TEDC2: variants seen among roughly 807,000 people sequenced by gnomAD.
The protein encoded by TEDC2 is tubulin epsilon and delta complex 2, also known as tubulin epsilon and delta complex protein 2.
A neutral mutation model predicts 48.1 loss-of-function variants in TEDC2; 49 were observed. The ratio of observed to expected loss-of-function variants is 1.02; its 90% CI spans 0.81 to 1.29. The LOEUF (loss-of-function observed/expected upper bound fraction) is 1.29, where lower values mean the gene tolerates loss of function less well. TEDC2 is among the 50% of genes most tolerant of loss of function. The pLI is 0.00. For synonymous variants in TEDC2, 299 were observed against 247.1 expected (o/e 1.21, Z -1.97); for missense variants, 631 against 571.4 (o/e 1.10, Z -1.06).
chr16:2,461,927 A>C, intron 5 of TEDC2, 127 bp downstream of exon 5: 1 of 1,300,880 alleles, frequency 7.7e-7, no homozygotes, highest in Non-Finnish European at 1.1e-6. Flanking sequence ...ATCACTGTCG[A>C]TGTTAAAAAT....
chr16:2,464,310 C>G, intron 9 of TEDC2, 81 bp downstream of exon 9: 1 of 1,501,844 alleles, frequency 6.7e-7, no homozygotes, highest in Non-Finnish European at 9.0e-7. Flanking sequence ...ACTGCTCCAC[C>G]CCCCAGGACC....
rs149318114 is a variant in TEDC2, at chr16:2,461,758, G to T, written c.617G>T (p.Arg206Leu). The T allele has an allele frequency of 3.1e-6, 5 of 1,613,182 alleles. No individual in the cohort carries two copies. In the African/African-American group the frequency reaches 4.0e-5, roughly 13 times the overall value. ...GGCTTCTCCGACAGGCACCTGCTGC[G>T]GCTGCCTGCGGCATTCAGGAAAGCA... is the stretch of plus-strand genomic sequence containing the variant. ...FTLKEKGHLL[R>L]LPAAFRKAAS... Residue 206 changes from arginine (R) to leucine (L), a missense_variant, in exon 5 of 10, where the codon CGG becomes CTG. By Grantham distance (102) the Arg-to-Leu change is moderately radical. Coordinates refer to ENST00000361837, the MANE Select transcript of TEDC2 (RefSeq NM_025108.3).
At chr16:2,460,583 C>T in intron 2 of TEDC2, 40 bp from the exon 3 acceptor site, 2 of 1,610,712 alleles carry the variant, frequency 1.2e-6, no homozygotes, top group Non-Finnish European at 1.7e-6. Flanking sequence ...GGGCTGGGCC[C>T]TGCCTCCTGG....
intron 5 of TEDC2, 39 bp from the exon 6 acceptor site, chr16:2,462,110 C>T (rs544826779): frequency 2.5e-6 from 4 of 1,595,786 alleles, no homozygotes; most frequent in South Asian, 1.1e-5. Flanking sequence ...AACCGTGTCC[C>T]TCTGTGGTTC....
intron 4 of TEDC2, chr16:2,461,543 C>T (rs2065466781): frequency 3.0e-6 from 2 of 660,930 alleles, no homozygotes; most frequent in Non-Finnish European, 5.1e-6. Context: ...CACAGGGCCC[C>T]CTCTTCTCTC....
Position 2,462,181 on chromosome 16 carries a change from G to T in TEDC2, c.692G>T (p.Ser231Ile), listed in dbSNP as rs1567395596. Residue 231 changes from serine to isoleucine, a missense_variant, in exon 6 of 10, where the codon AGT becomes ATT. By Grantham distance (142) the Ser-to-Ile change is moderately radical. Transcript: ENST00000361837. The stretch of plus-strand genomic sequence containing the variant: ...GCCCAGCTCAGTTCCACACAGACCA[G>T]TGATTCCACGGATGCCGCCGCTGCC... The part of the protein sequence containing the change: ...LWAQLSSTQT[S>I]DSTDAAAAKT... 2 of 1,613,360 alleles carry T rather than the reference G, an allele frequency of 1.2e-6. No homozygotes were observed.
rs1308743003 is a variant in TEDC2, at chr16:2,462,695, G to A, written c.927G>A (p.Val309=). Residue 309 remains valine, a synonymous_variant, in exon 8 of 10, where the codon GTG becomes GTA. Transcript: ENST00000361837. ...LLTLEGLQAM[V]GQCLHRLQEL... ...CGCTGGAGGGGCTGCAGGCCATGGTGGGCCAGTGTCTGCACAGGCTGCAGG... is the reference window on the plus strand; with the variant it reads ...CGCTGGAGGGGCTGCAGGCCATGGTAGGCCAGTGTCTGCACAGGCTGCAGG... 5.8e-6 allele frequency: 9 copies of A among 1,545,120 alleles called. No individual in the cohort carries two copies. Among genetic ancestry groups the A allele is most frequent in the Non-Finnish European group, 7.0e-6 (8 of 1,146,888 alleles).
Position 2,460,925 on chromosome 16 carries a change from G to A in TEDC2, c.306G>A (p.Lys102=), listed in dbSNP as rs1014392189. 1 of 1,613,560 alleles carries A rather than the reference G, an allele frequency of 6.2e-7. No individual in the cohort carries two copies. Among genetic ancestry groups the A allele is most frequent in the Non-Finnish European group, 8.5e-7 (1 of 1,180,014 alleles). Residue 102 remains lysine (K), a synonymous_variant, in exon 4 of 10, where the codon AAG becomes AAA. Coordinates refer to ENST00000361837, the MANE Select transcript of TEDC2 (RefSeq NM_025108.3). ...TCACTAAGGCCGGAGAGAGAGACAA[G>A]GCCCCCAGCCTGAAATCTAGGTCCA... The part of the protein sequence containing the change: ...RGITKAGERD[K]APSLKSRSIV...
In TEDC2 at chr16:2,460,283, G is replaced by A. The variant is rs1163183172; in HGVS notation, c.27G>A (p.Arg9=). The stretch of plus-strand genomic sequence containing the variant: ...GCTGAGCCGCCGGTGCGTCCCCCAG[G>A]CTGGTGGCCGAGCTGCAGGGCGCCC... MLPAGCSR[R]LVAELQGALD... The change falls in exon 2 of 10, where the codon CGG becomes CGA. Residue 9 remains arginine (R), a splice_region_variant and synonymous_variant. Transcript: ENST00000361837. 6.6e-7 allele frequency: 1 copy of A among 1,526,246 alleles called. No homozygotes were observed. The highest frequency in any genetic ancestry group is 2.0e-5 in the Admixed American group (1 of 49,856). The allele number at this position is 1,526,246 out of a possible 1,614,324, so 94.5% of individuals were successfully genotyped here. A position where few individuals can be genotyped will look rare whatever the true frequency, so the allele number is the denominator to read the frequency against.
In TEDC2 at chr16:2,460,988, G is replaced by A. The variant is rs1240438552; in HGVS notation, c.369G>A (p.Pro123=). ...TSSGTTASAP[P]HSPGQAGGHA... ...CTGGCACGACAGCCTCCGCCCCACC[G>A]CATTCCCCAGGCCAAGCTGGTGGCC... Residue 123 remains proline, a synonymous_variant, in exon 4 of 10, where the codon CCG becomes CCA. Coordinates refer to ENST00000361837, the MANE Select transcript of TEDC2 (RefSeq NM_025108.3). The A allele has an allele frequency of 1.9e-6, 3 of 1,613,070 alleles. No homozygotes were observed. The highest frequency in any genetic ancestry group is 2.5e-6 in the Non-Finnish European group (3 of 1,179,978).
At position 2,461,770 on chromosome 16, in the gene TEDC2, C is replaced by T; in HGVS notation, c.629C>T (p.Ala210Val). 2 of 1,613,324 alleles carry T rather than the reference C, an allele frequency of 1.2e-6. No individual in the cohort carries two copies. Among genetic ancestry groups the T allele is most frequent in the Non-Finnish European group, 1.7e-6 (2 of 1,179,956 alleles). Reference protein sequence around the residue: ...EKGHLLRLPAAFRKAASQNSS... With the variant: ...EKGHLLRLPAVFRKAASQNSS... ...AGGCACCTGCTGCGGCTGCCTGCGG[C>T]ATTCAGGAAAGCAGCTTCCCAGAAC... Residue 210 changes from alanine (A) to valine (V), a missense_variant, in exon 5 of 10, where the codon GCA (alanine) becomes GTA (valine). Physicochemically the swap from Ala to Val is moderately conservative, Grantham distance 64. Transcript: ENST00000361837.
rs368548407 is a variant in TEDC2, at chr16:2,460,980, G to C, written c.361G>C (p.Ala121Pro). The C allele has an allele frequency of 4.3e-6, 7 of 1,613,156 alleles. No individual in the cohort carries two copies. The African/African-American group carries it at 8.0e-5, about 18-fold the overall frequency. The change falls in exon 4 of 10, where the codon GCC becomes CCC. Residue 121 changes from alanine (A) to proline (P), a missense_variant. Transcript: ENST00000361837. Reference sequence around the variant, plus strand: ...CACCTCTTCTGGCACGACAGCCTCCGCCCCACCGCATTCCCCAGGCCAAGC... The same window carrying C: ...CACCTCTTCTGGCACGACAGCCTCCCCCCCACCGCATTCCCCAGGCCAAGC... The part of the protein sequence containing the change: ...IVTSSGTTAS[A>P]PPHSPGQAGG...
intron 1 of TEDC2, 30 bp from the exon 2 acceptor site, chr16:2,460,253 G>C: frequency 6.7e-7 from 1 of 1,503,578 alleles, no homozygotes; most frequent in South Asian, 1.2e-5. Context: ...GACGCTGGCC[G>C]AGGTGCTGAG....
chr16:2,464,439 C>T (rs982955797), intron 9 of TEDC2, 83 bp from the exon 10 acceptor site: 49 of 1,429,284 alleles, frequency 3.4e-5, no homozygotes, highest in Non-Finnish European at 4.3e-5. Flanking sequence ...AGGGCTGAAG[C>T]ATGGGGGCCT....
chr16:2,461,589 C>A, intron 4 of TEDC2, 158 bp from the exon 5 acceptor site: 2 of 833,828 alleles, frequency 2.4e-6, no homozygotes, highest in Non-Finnish European at 3.8e-6. Flanking sequence ...TCTCCTATGG[C>A]CACTCTGGAA....
chr16:2,461,150 G>A lies in TEDC2; in HGVS notation c.531G>A (p.Ala177=), dbSNP rs369185867. ...GMGARTPRPG[A]GLRDQQMAPS... ...GAGCCCGAACCCCCAGGCCTGGGGC[G>A]GGCCTCAGGGACCAGCAAATGGCCC... Residue 177 remains alanine (A), a synonymous_variant, in exon 4 of 10, where the codon GCG becomes GCA. Transcript: ENST00000361837. 3.6e-5 allele frequency: 56 copies of A among 1,534,384 alleles called. No homozygotes were observed. Among genetic ancestry groups the A allele is most frequent in the African/African-American group, 1.1e-4 (8 of 72,546 alleles).
In TEDC2 at chr16:2,462,196, C is replaced by T. The variant is rs1399664826; in HGVS notation, c.707C>T (p.Ala236Val). Residue 236 changes from alanine (A) to valine (V), a missense_variant, in exon 6 of 10, where the codon GCC (alanine) becomes GTC (valine). Transcript: ENST00000361837. ...SSTQTSDSTDAAAAKTQFLQN... is the reference protein window; with the variant it reads ...SSTQTSDSTDVAAAKTQFLQN... ...ACACAGACCAGTGATTCCACGGATG[C>T]CGCCGCTGCCAAAACCCAGTTCCTC... is the stretch of plus-strand genomic sequence containing the variant. 1.2e-6 allele frequency: 2 copies of T among 1,613,272 alleles called. No individual in the cohort carries two copies. The highest frequency in any genetic ancestry group is 4.5e-5 in the East Asian group (2 of 44,900).
rs1174515624 is a variant in TEDC2, at chr16:2,460,879, C to T, written c.260C>T (p.Ala87Val). 6.2e-7 allele frequency: 1 copy of T among 1,613,554 alleles called. No homozygotes were observed. Among genetic ancestry groups the T allele is most frequent in the East Asian group, 2.2e-5 (1 of 44,886 alleles). ...TTTCTGACCCAGGCACTGGAGAAGG[C>T]TGTACGAGTTCGAAGAGGCATCACT... ...LEFLTQALEK[A>V]VRVRRGITKA... Residue 87 changes from alanine (A) to valine (V), a missense_variant, in exon 4 of 10, where the codon GCT (alanine) becomes GTT (valine). By Grantham distance (64) the Ala-to-Val change is moderately conservative. Coordinates refer to ENST00000361837, the MANE Select transcript of TEDC2 (RefSeq NM_025108.3).
intron 2 of TEDC2, 38 bp downstream of exon 2, chr16:2,460,419 G>A (rs979341469): frequency 1.8e-4 from 280 of 1,540,758 alleles, no homozygotes; most frequent in Non-Finnish European, 2.3e-4. Flanking sequence ...GACCTCCCTC[G>A]GGCCCTCAGA....
Sources: allele counts gnomAD v4.1 joint callset, GRCh38; gene constraint gnomAD v4.1.1; transcripts MANE v1.5; gene names NCBI Gene and HGNC (gene_info 2026-07-23, HGNC 2026-07-21).